Variants in RAP1GAP2 observed in about 807,000 individuals in gnomAD.
RAP1GAP2 encodes the protein RAP1 GTPase activating protein 2.
RAP1GAP2 carries 27 observed loss-of-function variants against 95.0 expected under a neutral mutation model. The observed-to-expected ratio is 0.28, with a 90% confidence interval of 0.21 to 0.39. The LOEUF (loss-of-function observed/expected upper bound fraction) is 0.39, where lower values mean the gene tolerates loss of function less well. RAP1GAP2 is among the 10% of genes least tolerant of loss of function. The probability of loss-of-function intolerance (pLI) is 1.00; values close to 1 mark genes in which losing one functional copy is unlikely to be tolerated. For synonymous variants in RAP1GAP2, 373 were observed against 380.9 expected (o/e 0.98, Z 0.24); for missense variants, 771 against 970.0 (o/e 0.79, Z 2.72).
intron 2 of RAP1GAP2, among the ~76,000 whole-genome samples, chr17:2,882,630 G>T (rs2151672323): frequency 6.6e-6 from 1 of 152,290 alleles, no homozygotes; most frequent in East Asian, 1.9e-4. Context: ...TCGCCACGTT[G>T]GCCAGGATGG....
chr17:2,805,954 A>G (rs910529306), intron 2 of RAP1GAP2, among the ~76,000 whole-genome samples: 2 of 152,152 alleles, frequency 1.3e-5, no homozygotes, highest in Non-Finnish European at 1.5e-5. Context: ...CCTTGTAGGA[A>G]AAAAATCCAG....
intron 8 of RAP1GAP2, among the ~76,000 whole-genome samples, chr17:2,967,702 C>A (rs1474551535): frequency 6.6e-6 from 1 of 152,146 alleles, no homozygotes; most frequent in Non-Finnish European, 1.5e-5. Flanking sequence ...AATTGGAAAC[C>A]AGACATAAGA....
At chr17:2,956,532 G>A (rs1259606391) in intron 3 of RAP1GAP2, among the ~76,000 whole-genome samples, 3 of 152,342 alleles carry the variant, frequency 2.0e-5, no homozygotes, top group Admixed American at 6.5e-5. Flanking sequence ...GAAGAACCGA[G>A]GACACTGTTC....
chr17:2,794,457 C>T (rs1394880200), upstream of RAP1GAP2, among the ~76,000 whole-genome samples: 6 of 152,180 alleles, frequency 3.9e-5, no homozygotes, highest in Non-Finnish European at 8.8e-5. Context: ...GCTTGTGGCA[C>T]TCTGCAGTGG....
At position 2,805,816 on chromosome 17, in the gene RAP1GAP2, C is replaced by G. The variant is rs570831711; in HGVS notation, c.80+5266C>G. On this transcript the variant is annotated intron_variant, in intron 2 of 24. Transcript: ENST00000254695. ...ATGGGCTCCAGCTACCTGAGGTGACCGTCATGCACAGGGGCTGGCTGCGGT... is the reference window on the plus strand; with the variant it reads ...ATGGGCTCCAGCTACCTGAGGTGACGGTCATGCACAGGGGCTGGCTGCGGT... 5.6e-4 allele frequency among the ~76,000 whole-genome samples: 85 copies of G among 152,066 alleles called. 2 individuals carry two copies. The South Asian group carries it at 0.017, about 30-fold the overall frequency.
chr17:2,771,332 A>ACT (rs965990926), intron 2 of RAP1GAP2, among the ~76,000 whole-genome samples: 1 of 151,504 alleles, frequency 6.6e-6, no homozygotes, highest in African/African-American at 2.4e-5. Flanking sequence ...ACCCCTGCCC[A>ACT]CTCTTCCCCC....
chr17:2,899,636 T>C (rs1597555695), intron 2 of RAP1GAP2, among the ~76,000 whole-genome samples: 1 of 151,960 alleles, frequency 6.6e-6, no homozygotes, highest in East Asian at 1.9e-4. Context: ...TCAGCCTCCT[T>C]AGTAGCTGGG....
chr17:2,893,867 C>T (rs1330948187), intron 2 of RAP1GAP2, among the ~76,000 whole-genome samples: 2 of 152,174 alleles, frequency 1.3e-5, no homozygotes, highest in East Asian at 3.9e-4. Context: ...GGAGGTGGAG[C>T]CTCTGCCACC....
At chr17:2,800,152 C>G in intron 1 of RAP1GAP2, 1 of 985,106 alleles carries the variant, frequency 1.0e-6, no homozygotes, top group Non-Finnish European at 1.2e-6. Flanking sequence ...GCTGGGTTCT[C>G]TTGCGAGGGT....
At chr17:2,811,858 C>A (rs1385566901) in intron 2 of RAP1GAP2, among the ~76,000 whole-genome samples, 1 of 152,060 alleles carries the variant, frequency 6.6e-6, no homozygotes, top group Non-Finnish European at 1.5e-5. Flanking sequence ...GGATTACAGG[C>A]GTGAGCCACT....
Position 3,003,168 on chromosome 17 carries a change from C to G in RAP1GAP2, c.1201-2201C>G, listed in dbSNP as rs576320195. On this transcript the variant is annotated intron_variant, in intron 14 of 24. Coordinates refer to ENST00000254695, the MANE Select transcript of RAP1GAP2 (RefSeq NM_015085.5). This position sits in a 1 kb window ranked among gnomAD's most constrained non-coding sequence, Gnocchi z 4.1. The stretch of plus-strand genomic sequence containing the variant: ...CACTTAAGGCCTGAGGCCACAGAGC[C>G]AGGGAGCTGTGGCTGAGGTCCTGTC... 6.6e-6 allele frequency among the ~76,000 whole-genome samples: 1 copy of G among 152,256 alleles called. No homozygotes were observed. The highest frequency in any genetic ancestry group is 1.9e-4 in the East Asian group (1 of 5,170).
intron 12 of RAP1GAP2, among the ~76,000 whole-genome samples, chr17:2,992,453 C>T (rs909500397): frequency 6.6e-6 from 1 of 152,184 alleles, no homozygotes; most frequent in African/African-American, 2.4e-5. Flanking sequence ...AGCCACCGTG[C>T]CTGGCTCAGT....
At chr17:2,832,425 G>A (rs1226071595) in intron 2 of RAP1GAP2, among the ~76,000 whole-genome samples, 5 of 150,632 alleles carry the variant, frequency 3.3e-5, no homozygotes, top group Admixed American at 6.6e-5. Flanking sequence ...AGGTGTTGTG[G>A]CGGGCACCTG....
At chr17:2,915,052 A>C (rs1387901090) in intron 3 of RAP1GAP2, among the ~76,000 whole-genome samples, 1 of 151,580 alleles carries the variant, frequency 6.6e-6, no homozygotes, top group African/African-American at 2.4e-5. Flanking sequence ...GGCCTCCCAA[A>C]GTGCTGGGAT....
rs2042115857 is a variant in RAP1GAP2, at chr17:2,904,242, C to T, written c.81-1042C>T. Among the ~76,000 whole-genome samples, 1 of 152,182 alleles carries T rather than the reference C, an allele frequency of 6.6e-6. No individual in the cohort carries two copies. Among genetic ancestry groups the T allele is most frequent in the African/African-American group, 2.4e-5 (1 of 41,452 alleles). The stretch of plus-strand genomic sequence containing the variant: ...CCCTCACCCGGGAATTCCCCAGGCT[C>T]TGCCCAGCTGGCCCTGTTGTGCAGC... On this transcript the variant is annotated intron_variant, in intron 2 of 24. Coordinates refer to ENST00000254695, the MANE Select transcript of RAP1GAP2 (RefSeq NM_015085.5). The surrounding 1 kb of genome is among the most constrained non-coding windows in gnomAD (Gnocchi z 4.7).
intron 3 of RAP1GAP2, among the ~76,000 whole-genome samples, chr17:2,925,523 C>A (rs554604827): frequency 6.6e-6 from 1 of 152,070 alleles, no homozygotes; most frequent in South Asian, 2.1e-4. Context: ...TGGGGAAAAC[C>A]GCTCCCTCGC....
intron 3 of RAP1GAP2, among the ~76,000 whole-genome samples, chr17:2,947,868 A>G (rs1174689811): frequency 1.3e-5 from 2 of 151,864 alleles, no homozygotes; most frequent in South Asian, 4.2e-4. Context: ...TTCCCTCTTC[A>G]TCCGGATGAG....
chr17:3,013,952 TC>T (rs1325303728), intron 17 of RAP1GAP2, among the ~76,000 whole-genome samples: 8 of 148,070 alleles, frequency 5.4e-5, no homozygotes, highest in Non-Finnish European at 1.0e-4. Flanking sequence ...AGTTACTATT[TC>T]CCACATGGAA....
At position 2,781,607 on chromosome 17, in the gene RAP1GAP2, G is replaced by T. The variant is rs71359180; in HGVS notation, c.-14+4329G>T. On this transcript the variant is annotated intron_variant, in intron 1 of 24. Coordinates refer to the RAP1GAP2 transcript ENST00000540393. ...GTGTGGGCACGTCTCTGTGTGTGCA[G>T]GTCTCTGTGTGAGCACGTCTCTGTG... is the stretch of plus-strand genomic sequence containing the variant. Among the ~76,000 whole-genome samples the T allele has an allele frequency of 2.1e-3, 226 of 108,994 alleles. 2 individuals are homozygous for T. Among genetic ancestry groups the T allele is most frequent in the Middle Eastern group, 5.2e-3 (1 of 192 alleles). The allele number at this position is 108,994 out of a possible 152,430, so 71.5% of individuals were successfully genotyped here.
Sources: gnomAD v4.1 joint callset for allele counts (sites outside exome capture counted in the v4.1 genomes callset) on GRCh38, gnomAD v4.1.1 for gene constraint, Gnocchi (gnomAD v3.1) non-coding constraint, MANE v1.5 for transcripts, NCBI Gene and HGNC (gene_info 2026-07-23, HGNC 2026-07-21) for gene names.